Variants in RMND5A observed in about 807,000 individuals in gnomAD.
The protein encoded by RMND5A is required for meiotic nuclear division 5 homolog A, also known as E3 ubiquitin-protein transferase RMND5A.
A neutral mutation model predicts 49.7 loss-of-function variants in RMND5A; 17 were observed. The ratio of observed to expected loss-of-function variants is 0.34; its 90% CI spans 0.23 to 0.51. The LOEUF (loss-of-function observed/expected upper bound fraction) is 0.51, where lower values mean the gene tolerates loss of function less well. RMND5A is among the 20% of genes least tolerant of loss of function. RMND5A has a pLI of 0.96. For synonymous variants in RMND5A, 156 were observed against 167.7 expected (o/e 0.93, Z 0.54); for missense variants, 255 against 471.3 (o/e 0.54, Z 4.25).
chr2:86,767,209 G>T (rs1672613248), intron 6 of RMND5A, among the ~76,000 whole-genome samples: 1 of 151,974 alleles, frequency 6.6e-6, no homozygotes, highest in African/African-American at 2.4e-5. Context: ...GATTACAGGC[G>T]CCTGCCACCA....
intron 4 of RMND5A, among the ~76,000 whole-genome samples, chr2:86,759,612 GC>G (rs144501224): frequency 1.4e-5 from 2 of 146,142 alleles, no homozygotes; most frequent in Non-Finnish European, 3.0e-5. Context: ...TAGTTTGCTT[GC>G]CCCCCCGCCC....
In RMND5A at chr2:86,765,311, T is replaced by A. The variant is rs1672571823; in HGVS notation, c.688+118T>A. 17 of 892,740 alleles carry A rather than the reference T, an allele frequency of 1.9e-5. 1 individual carries two copies. In the South Asian group the frequency reaches 3.4e-4, roughly 18 times the overall value. The allele number at this position is 892,740 out of a possible 1,614,324, so 55.3% of individuals were successfully genotyped here. A position where few individuals can be genotyped will look rare whatever the true frequency, so the allele number is the denominator to read the frequency against. ...GCCAGTAAACAGTTGTAGTTGATAA[T>A]CACTTACAGGAAAAGTTCTGACTGG... On this transcript the variant is annotated intron_variant, in intron 5 of 8. Coordinates refer to ENST00000283632, the MANE Select transcript of RMND5A (RefSeq NM_022780.4).
At chr2:86,764,582 AT>A (rs1672559218) in intron 4 of RMND5A, among the ~76,000 whole-genome samples, 1 of 152,256 alleles carries the variant, frequency 6.6e-6, no homozygotes. Context: ...ACTGTTTTTA[AT>A]CACAAAGTGA....
chr2:86,759,612 G>GA lies in RMND5A; in HGVS notation c.522-5415_522-5414insA, dbSNP rs1553427419. On this transcript the variant is annotated intron_variant, in intron 4 of 8. Coordinates refer to ENST00000283632, the MANE Select transcript of RMND5A (RefSeq NM_022780.4). ...ATTTCACTGCATTTTTAGTTTGCTT[G>GA]CCCCCCCGCCCCCCACCATCTCTAC... Among the ~76,000 whole-genome samples, 5 of 146,260 alleles carry GA rather than the reference G, an allele frequency of 3.4e-5. No individual in the cohort carries two copies. In the East Asian group the frequency reaches 1.1e-3, roughly 32 times the overall value.
rs1050232711 is a variant in RMND5A, at chr2:86,744,189, G to A, written c.285+3120G>A. On this transcript the variant is annotated intron_variant, in intron 2 of 8. Coordinates refer to ENST00000283632, the MANE Select transcript of RMND5A (RefSeq NM_022780.4). ...GTTTCCCCAATAGAAGTACCTAGAC[G>A]TTGTGAATGGGCTTCTCACATACAT... is the stretch of plus-strand genomic sequence containing the variant. Among the ~76,000 whole-genome samples the A allele has an allele frequency of 4.5e-4, 68 of 152,086 alleles. 1 individual carries two copies. Among genetic ancestry groups the A allele is most frequent in the Middle Eastern group, 3.2e-3 (1 of 316 alleles).
chr2:86,764,617 G>A (rs1354266714), intron 4 of RMND5A, among the ~76,000 whole-genome samples: 1 of 152,214 alleles, frequency 6.6e-6, no homozygotes, highest in Non-Finnish European at 1.5e-5. Context: ...ACTATTGAAA[G>A]TTTAAAAGTA....
chr2:86,728,846 C>T (rs1212688181), intron 1 of RMND5A, among the ~76,000 whole-genome samples: 1 of 100,864 alleles, frequency 9.9e-6, no homozygotes, highest in East Asian at 3.7e-4. Flanking sequence ...CTCTGCCTCC[C>T]AAGTTCAAGC....
chr2:86,768,731 C>T (rs985806517), intron 6 of RMND5A, among the ~76,000 whole-genome samples: 6 of 152,110 alleles, frequency 3.9e-5, no homozygotes, highest in Non-Finnish European at 8.8e-5. Flanking sequence ...CCTGAAGAGA[C>T]GGACACAGCT....
intron 5 of RMND5A, chr2:86,765,475 T>A: frequency 2.7e-6 from 1 of 366,780 alleles, no homozygotes; most frequent in Non-Finnish European, 4.9e-6. Flanking sequence ...CCTGGCTGTA[T>A]GCTGCTGCTC....
intron 6 of RMND5A, among the ~76,000 whole-genome samples, chr2:86,766,911 C>T (rs1200093002): frequency 6.6e-6 from 1 of 152,094 alleles, no homozygotes; most frequent in African/African-American, 2.4e-5. Context: ...TACACATCAT[C>T]TTAATAATTT....
Position 86,774,253 on chromosome 2 carries a change from A to AT in RMND5A, c.*843dup. ...CTCTCTTGGTCTTGGTAGCCCTATT[A>AT]TATCATTGCAGACACAGTGTTGTGC... On this transcript the variant is annotated 3_prime_UTR_variant, in exon 9 of 9. Coordinates refer to ENST00000283632, the MANE Select transcript of RMND5A (RefSeq NM_022780.4). The AT allele has an allele frequency of 6.5e-6, 1 of 152,778 alleles. No individual in the cohort carries two copies. Among genetic ancestry groups the AT allele is most frequent in the East Asian group, 1.9e-4 (1 of 5,188 alleles). 9.5% of individuals were successfully genotyped at this position (152,778 alleles called of 1,614,324 possible). A position where few individuals can be genotyped will look rare whatever the true frequency, so the allele number is the denominator to read the frequency against.
At chr2:86,772,455 AAAAAAC>A (rs896087909) in intron 8 of RMND5A, among the ~76,000 whole-genome samples, 3 of 152,216 alleles carry the variant, frequency 2.0e-5, no homozygotes, top group East Asian at 3.8e-4. Context: ...ACTCCATCTC[AAAAAAC>A]AAAAACAAAA....
Position 86,776,305 on chromosome 2 carries a change from G to C in RMND5A, c.*2894G>C, listed in dbSNP as rs1672767689. The C allele has an allele frequency of 1.3e-5, 2 of 152,056 alleles. No individual in the cohort carries two copies. Among genetic ancestry groups the C allele is most frequent in the Admixed American group, 1.3e-4 (2 of 15,284 alleles). The allele number at this position is 152,056 out of a possible 1,614,324, so 9.4% of individuals were successfully genotyped here. A position where few individuals can be genotyped will look rare whatever the true frequency, so the allele number is the denominator to read the frequency against. On this transcript the variant is annotated 3_prime_UTR_variant, in exon 9 of 9. Transcript: ENST00000283632. ...TCTAATACATAAATGAACGGGTATT[G>C]GTGCCTCTTTATTTTAAAAAATTTG... is the stretch of plus-strand genomic sequence containing the variant.
At chr2:86,766,066 A>G (rs1672586624) in intron 6 of RMND5A, 42 bp downstream of exon 6, 1 of 1,508,432 alleles carries the variant, frequency 6.6e-7, no homozygotes, top group Non-Finnish European at 9.0e-7. Context: ...TATGCACTGC[A>G]TTATCACCTT....
At position 86,720,824 on chromosome 2, in the gene RMND5A, G is replaced by T. The variant is rs770098490; in HGVS notation, c.142+15G>T. 47 of 1,571,384 alleles carry T rather than the reference G, an allele frequency of 3.0e-5. No homozygotes were observed. The highest frequency in any genetic ancestry group is 3.5e-5 in the Non-Finnish European group (41 of 1,160,396). On this transcript the variant is annotated intron_variant, in intron 1 of 8. Transcript: ENST00000283632. Reference sequence around the variant, plus strand: ...GCAGAGCCACGGTAGGGCGGCCCGCGTGGGCGCGCGGGGCATGGCCCACTG... The same window carrying T: ...GCAGAGCCACGGTAGGGCGGCCCGCTTGGGCGCGCGGGGCATGGCCCACTG...
At chr2:86,721,322 T>C (rs1321009569) in intron 1 of RMND5A, among the ~76,000 whole-genome samples, 1 of 151,938 alleles carries the variant, frequency 6.6e-6, no homozygotes, top group African/African-American at 2.4e-5. Flanking sequence ...TTTTGGAAAG[T>C]CGAGCGTTAT....
intron 8 of RMND5A, 75 bp downstream of exon 8, chr2:86,771,787 G>A: frequency 8.0e-7 from 1 of 1,244,372 alleles, no homozygotes; most frequent in Non-Finnish European, 1.1e-6. Flanking sequence ...AAGAAGTGAT[G>A]AGGATTAAAA....
intron 7 of RMND5A, 149 bp downstream of exon 7, chr2:86,770,274 A>G (rs1179230863): frequency 3.1e-6 from 2 of 642,818 alleles, no homozygotes; most frequent in Non-Finnish European, 5.5e-6. Context: ...AAACAATACA[A>G]ATGAAGAGCC....
At chr2:86,759,159 C>T (rs974738712) in intron 4 of RMND5A, among the ~76,000 whole-genome samples, 1 of 152,116 alleles carries the variant, frequency 6.6e-6, no homozygotes, top group African/African-American at 2.4e-5. Context: ...GAGATAAGCC[C>T]ACTAATGCTG....
Sources: allele counts gnomAD v4.1 joint callset (sites outside exome capture counted in the v4.1 genomes callset), GRCh38; gene constraint gnomAD v4.1.1; transcripts MANE v1.5; gene names NCBI Gene and HGNC (gene_info 2026-07-23, HGNC 2026-07-21).